Variants in ZEB1 observed in about 807,000 individuals in gnomAD.
The protein encoded by ZEB1 is zinc finger E-box-binding homeobox 1.
In ZEB1, 21 loss-of-function variants were observed where a neutral mutation model predicts 84.9. The observed-to-expected ratio is 0.25, with a 90% confidence interval of 0.18 to 0.36. The LOEUF (loss-of-function observed/expected upper bound fraction) is 0.36, where lower values mean the gene tolerates loss of function less well. Ranked by LOEUF, ZEB1 falls within the 10% of genes least tolerant of loss-of-function variation. The probability of loss-of-function intolerance (pLI) is 1.00; values close to 1 mark genes in which losing one functional copy is unlikely to be tolerated. For synonymous variants in ZEB1, 420 were observed against 471.1 expected (o/e 0.89, Z 1.41); for missense variants, 1,104 against 1,330.2 (o/e 0.83, Z 2.65).
chr10:31,506,024 C>CA (rs1459185775), intron 4 of ZEB1, among the ~76,000 whole-genome samples: 9 of 151,916 alleles, frequency 5.9e-5, no homozygotes, highest in Admixed American at 5.9e-4. Context: ...TCCTTGACCC[C>CA]GTGGTTATTC....
intron 2 of ZEB1, among the ~76,000 whole-genome samples, chr10:31,494,500 A>T (rs568585539): frequency 1.3e-5 from 2 of 152,152 alleles, no homozygotes; most frequent in South Asian, 4.1e-4. Context: ...ACATGCTATA[A>T]TGGGATGCAA....
intron 5 of ZEB1, among the ~76,000 whole-genome samples, chr10:31,512,922 G>T (rs914668447): frequency 1.2e-4 from 19 of 152,138 alleles, no homozygotes; most frequent in African/African-American, 4.6e-4. Context: ...AGAACCTGCT[G>T]GGCACACACT....
At chr10:31,473,120 C>G (rs1262659813) in intron 2 of ZEB1, among the ~76,000 whole-genome samples, 3 of 150,172 alleles carry the variant, frequency 2.0e-5, no homozygotes, top group Admixed American at 2.0e-4. Flanking sequence ...TGGGCAAAAA[C>G]TGGAAGCATT....
intron 4 of ZEB1, among the ~76,000 whole-genome samples, chr10:31,505,836 A>G (rs1298326452): frequency 7.1e-6 from 1 of 141,608 alleles, no homozygotes; most frequent in African/African-American, 2.5e-5. Flanking sequence ...CTTGAGGCAC[A>G]TTGTTAGATT....
Position 31,526,811 on chromosome 10 carries a change from T to C in ZEB1, c.2925T>C (p.Ser975=). The part of the protein sequence containing the change: ...KCGKRFSHSG[S]YSQHMNHRYS... ...GAAAGCGCTTCTCACACTCTGGGTCTTATTCTCAACACATGAATCATCGCT... is the reference window on the plus strand; with the variant it reads ...GAAAGCGCTTCTCACACTCTGGGTCCTATTCTCAACACATGAATCATCGCT... Residue 975 remains serine, a synonymous_variant, in exon 9 of 9, where the codon TCT becomes TCC. Transcript: ENST00000424869. The C allele has an allele frequency of 6.2e-7, 1 of 1,614,178 alleles. No homozygotes were observed. Among genetic ancestry groups the C allele is most frequent in the Non-Finnish European group, 8.5e-7 (1 of 1,180,028 alleles).
chr10:31,440,439 C>A (rs902451496), intron 1 of ZEB1, among the ~76,000 whole-genome samples: 9 of 152,206 alleles, frequency 5.9e-5, no homozygotes, highest in African/African-American at 2.2e-4. Flanking sequence ...GACAAATCCA[C>A]AACCAATATC....
intron 1 of ZEB1, among the ~76,000 whole-genome samples, chr10:31,385,630 A>G (rs1355863958): frequency 6.6e-6 from 1 of 151,458 alleles, no homozygotes; most frequent in Non-Finnish European, 1.5e-5. Flanking sequence ...AGGTTCAAGC[A>G]GTTCTCCTGC....
chr10:31,433,367 T>C (rs1039827931), intron 1 of ZEB1, among the ~76,000 whole-genome samples: 7 of 152,328 alleles, frequency 4.6e-5, no homozygotes, highest in African/African-American at 1.7e-4. Flanking sequence ...AAAATTCTCA[T>C]TTACATCTGA....
chr10:31,510,308 A>G (rs1214692485), intron 4 of ZEB1, among the ~76,000 whole-genome samples: 1 of 152,202 alleles, frequency 6.6e-6, no homozygotes, highest in African/African-American at 2.4e-5. Context: ...TTTAATCTGT[A>G]TACACTTACA....
At chr10:31,397,159 T>TTTATTATTA (rs200770494) in intron 1 of ZEB1, among the ~76,000 whole-genome samples, 247 of 128,356 alleles carry the variant, frequency 1.9e-3, no homozygotes, top group South Asian at 4.1e-3. Context: ...TCTTGGGTTT[T>TTTATTATTA]TTATTATTAT....
chr10:31,483,007 C>T (rs1400849042), intron 2 of ZEB1, among the ~76,000 whole-genome samples: 2 of 151,962 alleles, frequency 1.3e-5, no homozygotes, highest in African/African-American at 2.4e-5. Context: ...CATTTCAGAC[C>T]TGGTCGCGAT....
intron 6 of ZEB1, among the ~76,000 whole-genome samples, chr10:31,517,806 A>T (rs2071438242): frequency 6.6e-6 from 1 of 152,192 alleles, no homozygotes; most frequent in Admixed American, 6.6e-5. Flanking sequence ...ATGTATAGCC[A>T]CATGTTAGTT....
rs150410441 is a variant in ZEB1 at position 31,351,234 on chromosome 10, C to T, written c.58+31942C>T. 2.0e-3 allele frequency among the ~76,000 whole-genome samples: 312 copies of T among 152,274 alleles called. 2 individuals are homozygous for T. The South Asian group carries it at 0.024, about 12-fold the overall frequency. On this transcript the variant is annotated intron_variant, in intron 1 of 8. Transcript: ENST00000424869. ...TGTAAATTGCTAGACCTTACTCTTA[C>T]GGTACAGTTGCTCTGGAAATCTCTT...
intron 1 of ZEB1, among the ~76,000 whole-genome samples, chr10:31,357,565 C>T (rs955431220): frequency 1.3e-5 from 2 of 151,860 alleles, no homozygotes; most frequent in Non-Finnish European, 2.9e-5. Context: ...CTCCCAATAG[C>T]ACATGTAATA....
chr10:31,481,998 G>A (rs1259987025), intron 2 of ZEB1, among the ~76,000 whole-genome samples: 1 of 151,980 alleles, frequency 6.6e-6, no homozygotes, highest in Non-Finnish European at 1.5e-5. Flanking sequence ...GGGTGAAAGT[G>A]TCATGAGAAA....
chr10:31,458,015 A>T (rs2061432638), intron 1 of ZEB1, among the ~76,000 whole-genome samples: 3 of 152,102 alleles, frequency 2.0e-5, no homozygotes. Context: ...GATACCAAAG[A>T]TGTCCAGAAG....
chr10:31,461,085 A>C lies in ZEB1; in HGVS notation c.107A>C (p.Glu36Ala). The stretch of plus-strand genomic sequence containing the variant: ...GAAACAAATTCAGATTCAGATGATG[A>C]AGACAAACTGCATATTGTGGAAGAA... The part of the protein sequence containing the change: ...VVETNSDSDD[E>A]DKLHIVEEES... The change falls in exon 2 of 9, where the codon GAA becomes GCA. Residue 36 changes from glutamate to alanine, a missense_variant. Glu to Ala is a moderately radical substitution (Grantham distance 107). This residue lies in a region of ZEB1 where 162 missense variants were observed against 184.5 expected (regional missense o/e 0.88). Coordinates refer to ENST00000424869, the MANE Select transcript of ZEB1 (RefSeq NM_001174096.2). 1 of 1,613,460 alleles carries C rather than the reference A, an allele frequency of 6.2e-7. No homozygotes were observed.
intron 1 of ZEB1, among the ~76,000 whole-genome samples, chr10:31,427,813 T>C (rs1037311657): frequency 1.3e-5 from 2 of 148,716 alleles, no homozygotes; most frequent in African/African-American, 2.5e-5. Context: ...GAGCCGAGAT[T>C]GCGCCACTGC....
chr10:31,460,906 G>T (rs1480478277), intron 1 of ZEB1, 131 bp from the exon 2 acceptor site: 2 of 786,492 alleles, frequency 2.5e-6, no homozygotes, highest in Admixed American at 4.3e-5. Context: ...AAATAAATTA[G>T]TTGTTAACAT....
Sources: gnomAD v4.1 joint callset for allele counts (sites outside exome capture counted in the v4.1 genomes callset) on GRCh38, gnomAD v4.1.1 for gene constraint, gnomAD v4.1.1 regional missense constraint, MANE v1.5 for transcripts, NCBI Gene and HGNC (gene_info 2026-07-23, HGNC 2026-07-21) for gene names.